The following TAFA5 variants were observed in gnomAD, a reference collection of about 807,000 sequenced individuals.
TAFA5 encodes chemokine-like protein TAFA-5.
Under a neutral mutation model 15.3 loss-of-function variants are expected in TAFA5, and 6 were observed. The observed-to-expected ratio is 0.39, with a 90% CI of 0.21 to 0.77. TAFA5 has a LOEUF of 0.77. Ranked by LOEUF, TAFA5 falls within the 30% of genes least tolerant of loss-of-function variation. The pLI is 0.41. For synonymous variants in TAFA5, 103 were observed against 80.7 expected (o/e 1.28, Z -1.48); for missense variants, 161 against 193.1 (o/e 0.83, Z 0.98).
intron 1 of TAFA5, among the ~76,000 whole-genome samples, chr22:48,564,713 C>T (rs918919295): frequency 3.3e-5 from 5 of 152,200 alleles, no homozygotes; most frequent in East Asian, 1.9e-4. Context: ...TGGGCTCCAG[C>T]GGTTGGAGAA....
intron 1 of TAFA5, among the ~76,000 whole-genome samples, chr22:48,633,225 G>A (rs1926296926): frequency 6.6e-6 from 1 of 152,210 alleles, no homozygotes; most frequent in South Asian, 2.1e-4. Flanking sequence ...GAATGAACCA[G>A]TGAAGGGATG....
intron 3 of TAFA5, among the ~76,000 whole-genome samples, chr22:48,739,514 C>A (rs577511278): frequency 6.6e-6 from 1 of 152,134 alleles, no homozygotes; most frequent in Non-Finnish European, 1.5e-5. Flanking sequence ...TTGGTTAGGG[C>A]GGTCTCCTGC....
intron 2 of TAFA5, chr22:48,693,219 C>T (rs1928598438): frequency 1.8e-5 from 26 of 1,436,028 alleles, no homozygotes; most frequent in Non-Finnish European, 2.5e-5. Context: ...CACTCGTCCT[C>T]AGAGCAGCCT....
At chr22:48,573,820 C>T (rs1923667823) in intron 1 of TAFA5, among the ~76,000 whole-genome samples, 1 of 152,186 alleles carries the variant, frequency 6.6e-6, no homozygotes, top group Admixed American at 6.5e-5. Context: ...ACGTAGCACA[C>T]TTTTCTATTT....
intron 3 of TAFA5, among the ~76,000 whole-genome samples, chr22:48,749,386 G>A (rs1353036439): frequency 3.3e-5 from 5 of 152,208 alleles, no homozygotes; most frequent in African/African-American, 1.2e-4. Flanking sequence ...CCGTGGTGGG[G>A]GTGCGGCCAG....
chr22:48,554,073 G>T (rs564762741), intron 1 of TAFA5, among the ~76,000 whole-genome samples: 1 of 152,202 alleles, frequency 6.6e-6, no homozygotes, highest in East Asian at 1.9e-4. Context: ...TCGGGCGGCC[G>T]CTCAGAAGAG....
intron 2 of TAFA5, among the ~76,000 whole-genome samples, chr22:48,650,427 C>G (rs1025298523): frequency 6.6e-6 from 1 of 152,300 alleles, no homozygotes; most frequent in African/African-American, 2.4e-5. Context: ...TGCAGTGCTG[C>G]AGGTGCGGGA....
At chr22:48,716,354 T>C (rs1929400563) in intron 3 of TAFA5, among the ~76,000 whole-genome samples, 1 of 152,224 alleles carries the variant, frequency 6.6e-6, no homozygotes, top group Non-Finnish European at 1.5e-5. Context: ...AAGAATGAGT[T>C]CATGCCCTTT....
chr22:48,727,496 A>C (rs1929747797), intron 3 of TAFA5, among the ~76,000 whole-genome samples: 1 of 152,256 alleles, frequency 6.6e-6, no homozygotes, highest in Non-Finnish European at 1.5e-5. Flanking sequence ...AACCACTGAG[A>C]GTAAAAAGCA....
rs574913403 is a variant in TAFA5 at position 48,560,480 on chromosome 22, C to T, written c.112+70776C>T. ...GGCAAGGACAGTGCCAGCAGGCGCCCCCAGTGTGAACTAATGTGAGGTGCT... is the reference window on the plus strand; with the variant it reads ...GGCAAGGACAGTGCCAGCAGGCGCCTCCAGTGTGAACTAATGTGAGGTGCT... On this transcript the variant is annotated intron_variant, in intron 1 of 3. Transcript: ENST00000402357. The surrounding 1 kb of genome is among the most constrained non-coding windows in gnomAD (Gnocchi z 4.2). 3.3e-5 allele frequency among the ~76,000 whole-genome samples: 5 copies of T among 152,280 alleles called. No individual in the cohort carries two copies. In the South Asian group the frequency reaches 8.3e-4, roughly 25 times the overall value.
chr22:48,640,595 C>T (rs1295907210), intron 1 of TAFA5, among the ~76,000 whole-genome samples: 4 of 149,228 alleles, frequency 2.7e-5, no homozygotes, highest in South Asian at 2.1e-4. Context: ...GCGTTTACCC[C>T]GGGGCCATTT....
chr22:48,552,623 TGCG>T lies in TAFA5; in HGVS notation c.112+62921_112+62923del, dbSNP rs912682807. Among the ~76,000 whole-genome samples, 1 of 152,130 alleles carries T rather than the reference TGCG, an allele frequency of 6.6e-6. No homozygotes were observed. The highest frequency in any genetic ancestry group is 2.4e-5 in the African/African-American group (1 of 41,428). On this transcript the variant is annotated intron_variant, in intron 1 of 3. Transcript: ENST00000402357. This position sits in a 1 kb window ranked among gnomAD's most constrained non-coding sequence, Gnocchi z 4.1. ...GAACCCCCGTCGCAGGGCTCGGAGT[TGCG>T]GGCAGGGTGGGAGACCCCTTCCAGA...
At chr22:48,512,784 G>T (rs1366841818) in intron 1 of TAFA5, among the ~76,000 whole-genome samples, 1 of 151,908 alleles carries the variant, frequency 6.6e-6, no homozygotes, top group African/African-American at 2.4e-5. Flanking sequence ...TTACCCGGGG[G>T]TGGTGGCGAG....
At chr22:48,576,000 G>A (rs1289399304) in intron 1 of TAFA5, among the ~76,000 whole-genome samples, 5 of 143,486 alleles carry the variant, frequency 3.5e-5, no homozygotes, top group African/African-American at 1.3e-4. Flanking sequence ...GCGGGCGGTG[G>A]GGGCCGACAG....
At chr22:48,538,440 G>T (rs1459381262) in intron 1 of TAFA5, among the ~76,000 whole-genome samples, 1 of 152,234 alleles carries the variant, frequency 6.6e-6, no homozygotes, top group African/African-American at 2.4e-5. Flanking sequence ...CCTCCCTTGA[G>T]CCCTTCAGGA....
chr22:48,731,001 G>A (rs973276372), intron 3 of TAFA5, among the ~76,000 whole-genome samples: 2 of 152,144 alleles, frequency 1.3e-5, no homozygotes, highest in Non-Finnish European at 2.9e-5. Flanking sequence ...TAGGCCTCTC[G>A]CACCAGTCAG....
At chr22:48,702,228 C>T (rs1289124464) in intron 2 of TAFA5, among the ~76,000 whole-genome samples, 2 of 151,960 alleles carry the variant, frequency 1.3e-5, no homozygotes, top group East Asian at 1.9e-4. Flanking sequence ...CATATATGTA[C>T]GTGATGGAGA....
chr22:48,718,113 G>T (rs147633223), intron 3 of TAFA5, among the ~76,000 whole-genome samples: 16 of 152,144 alleles, frequency 1.1e-4, no homozygotes, highest in Non-Finnish European at 1.5e-5. Context: ...GAGCAGAAGC[G>T]GAGGGCCCGG....
intron 1 of TAFA5, among the ~76,000 whole-genome samples, chr22:48,623,481 C>T (rs926263060): frequency 1.3e-5 from 2 of 152,250 alleles, no homozygotes; most frequent in Middle Eastern, 3.4e-3. Flanking sequence ...GGACGCAGCC[C>T]GTGATGTGTT....
Sources: gnomAD v4.1 joint callset for allele counts (sites outside exome capture counted in the v4.1 genomes callset) on GRCh38, gnomAD v4.1.1 for gene constraint, Gnocchi (gnomAD v3.1) non-coding constraint, MANE v1.5 for transcripts, NCBI Gene and HGNC (gene_info 2026-07-23, HGNC 2026-07-21) for gene names.